MAST4: variants seen among roughly 807,000 people sequenced by gnomAD.
MAST4 encodes the protein microtubule associated serine/threonine kinase family member 4.
A neutral mutation model predicts 162.7 loss-of-function variants in MAST4; 89 were observed. The ratio of observed to expected loss-of-function variants is 0.55; its 90% CI spans 0.46 to 0.65. The LOEUF (loss-of-function observed/expected upper bound fraction) is 0.65. MAST4 is among the 30% of genes least tolerant of loss of function. The pLI is 0.00. For synonymous variants in MAST4, 1,479 were observed against 1,361.1 expected, an observed-to-expected ratio of 1.09 and a Z score of -1.91; for missense variants, 3,153 against 3,374.0, an observed-to-expected ratio of 0.93 and a Z score of 1.62.
rs1343442759 is a variant in MAST4, at chr5:67,168,788, TA to T, written c.*1740del. 6.6e-6 allele frequency: 1 copy of T among 152,170 alleles called. No homozygotes were observed. The highest frequency in any genetic ancestry group is 6.5e-5 in the Admixed American group (1 of 15,282). 9.4% of individuals were successfully genotyped at this position (152,170 alleles called of 1,614,324 possible). A position where few individuals can be genotyped will look rare whatever the true frequency, so the allele number is the denominator to read the frequency against. ...CATCATCTTATGGCCTTATGGATTG[TA>T]AATCTTCTAGTGAGGCTATAAACTC... On this transcript the variant is annotated 3_prime_UTR_variant, in exon 29 of 29. Coordinates refer to ENST00000403625, the MANE Select transcript of MAST4 (RefSeq NM_001164664.2).
intron 1 of MAST4, among the ~76,000 whole-genome samples, chr5:66,638,871 G>A (rs568071570): frequency 3.3e-5 from 5 of 152,264 alleles, no homozygotes; most frequent in African/African-American, 1.2e-4. Flanking sequence ...TGGGTTTTTG[G>A]TGTAATTGGG....
At chr5:66,597,617 C>A (rs1224063463) in intron 1 of MAST4, among the ~76,000 whole-genome samples, 1 of 152,156 alleles carries the variant, frequency 6.6e-6, no homozygotes, top group African/African-American at 2.4e-5. Context: ...GCGTGCGCGC[C>A]TGCAGCTCCC....
At chr5:67,044,536 A>G (rs1469833945) in intron 4 of MAST4, among the ~76,000 whole-genome samples, 1 of 152,112 alleles carries the variant, frequency 6.6e-6, no homozygotes, top group Non-Finnish European at 1.5e-5. Context: ...TTTAAATTAG[A>G]GAGGGTCTTG....
At chr5:66,599,342 G>T (rs1742407371) in intron 1 of MAST4, among the ~76,000 whole-genome samples, 1 of 152,176 alleles carries the variant, frequency 6.6e-6, no homozygotes, top group Non-Finnish European at 1.5e-5. Flanking sequence ...CACACCAGAG[G>T]ATTCGGGAAT....
chr5:66,616,498 G>A (rs1255023903), intron 1 of MAST4, among the ~76,000 whole-genome samples: 1 of 152,236 alleles, frequency 6.6e-6, no homozygotes. Flanking sequence ...TGGGGCAGGT[G>A]TCTCAGGGCT....
intron 1 of MAST4, among the ~76,000 whole-genome samples, chr5:66,614,172 C>T (rs753498110): frequency 6.6e-6 from 1 of 152,158 alleles, no homozygotes; most frequent in African/African-American, 2.4e-5. Context: ...TTTCCCTGGC[C>T]CGGAACATCT....
chr5:67,101,840 C>G (rs1474957449), intron 8 of MAST4, among the ~76,000 whole-genome samples: 1 of 151,548 alleles, frequency 6.6e-6, no homozygotes, highest in Admixed American at 6.6e-5. Flanking sequence ...AAAGGAATTC[C>G]TAAGGTGCGT....
Position 66,975,535 on chromosome 5 carries a change from G to A in MAST4, c.674+75553G>A, listed in dbSNP as rs115497815. Among the ~76,000 whole-genome samples the A allele has an allele frequency of 4.9e-3, 747 of 152,230 alleles. 5 individuals are homozygous for A. Among genetic ancestry groups the A allele is most frequent in the African/African-American group, 0.017 (720 of 41,524 alleles). On this transcript the variant is annotated intron_variant, in intron 4 of 28. Coordinates refer to ENST00000403625, the MANE Select transcript of MAST4 (RefSeq NM_001164664.2). The stretch of plus-strand genomic sequence containing the variant: ...TGACTAGAACCAGTGCTCACAGAGT[G>A]CTCATCATGATAGTTTAAAAAAGAC...
At chr5:66,921,603 T>C (rs990985953) in intron 4 of MAST4, among the ~76,000 whole-genome samples, 1 of 151,806 alleles carries the variant, frequency 6.6e-6, no homozygotes, top group Non-Finnish European at 1.5e-5. Flanking sequence ...CTAAAAAAAA[T>C]ACAAAAATTA....
chr5:66,688,386 A>C (rs1473211535), intron 1 of MAST4, among the ~76,000 whole-genome samples: 2 of 152,164 alleles, frequency 1.3e-5, no homozygotes, highest in African/African-American at 4.8e-5. Flanking sequence ...TATCTCCTGA[A>C]GTGCTATCTG....
At chr5:66,790,955 G>A (rs962081189) in intron 3 of MAST4, among the ~76,000 whole-genome samples, 6 of 151,970 alleles carry the variant, frequency 3.9e-5, no homozygotes, top group Non-Finnish European at 8.8e-5. Flanking sequence ...TATGTTTATC[G>A]CCAAGTCAAT....
At chr5:67,034,817 A>T (rs1290545496) in intron 4 of MAST4, among the ~76,000 whole-genome samples, 2 of 152,184 alleles carry the variant, frequency 1.3e-5, no homozygotes, top group African/African-American at 2.4e-5. Context: ...ATTATTTTAG[A>T]GTAGCTGGTT....
chr5:66,839,177 A>G (rs1694654303), intron 3 of MAST4, among the ~76,000 whole-genome samples: 1 of 152,112 alleles, frequency 6.6e-6, no homozygotes, highest in Non-Finnish European at 1.5e-5. Flanking sequence ...TGGTTTCAGG[A>G]GTTAGGGATT....
chr5:66,838,917 A>G lies in MAST4; in HGVS notation c.642+50123A>G, dbSNP rs146730560. Among the ~76,000 whole-genome samples, 42 of 152,330 alleles carry G rather than the reference A, an allele frequency of 2.8e-4. No homozygotes were observed. The East Asian group carries it at 6.2e-3, about 22-fold the overall frequency. ...AGGAAGCCATTGAAAGACTGTAATC[A>G]GGGCATAGAAATATTTTATCAACTG... On this transcript the variant is annotated intron_variant, in intron 3 of 28. Transcript: ENST00000403625.
intron 4 of MAST4, among the ~76,000 whole-genome samples, chr5:66,987,329 C>T (rs1405479361): frequency 1.3e-5 from 2 of 152,118 alleles, no homozygotes; most frequent in Non-Finnish European, 2.9e-5. Flanking sequence ...GCTGATGAGT[C>T]ATGTGCAATG....
chr5:66,951,089 A>G (rs1561472526), intron 4 of MAST4, among the ~76,000 whole-genome samples: 1 of 152,236 alleles, frequency 6.6e-6, no homozygotes, highest in Non-Finnish European at 1.5e-5. Flanking sequence ...GGTTATTACA[A>G]GCAGTGCTAC....
chr5:67,088,018 A>G (rs1763440432), intron 5 of MAST4, among the ~76,000 whole-genome samples: 1 of 151,898 alleles, frequency 6.6e-6, no homozygotes, highest in Non-Finnish European at 1.5e-5. Flanking sequence ...TTATTTTTTT[A>G]TTTTTTAGAG....
chr5:66,855,214 G>A (rs1759589278), intron 3 of MAST4, among the ~76,000 whole-genome samples: 1 of 152,080 alleles, frequency 6.6e-6, no homozygotes, highest in African/African-American at 2.4e-5. Context: ...GTGAGCTTTT[G>A]TGGGATCTGA....
chr5:66,596,397 T>C lies in MAST4; in HGVS notation c.-259T>C, dbSNP rs1007015720. The C allele has an allele frequency of 4.0e-5, 15 of 373,166 alleles. No individual in the cohort carries two copies. The highest frequency in any genetic ancestry group is 7.1e-5 in the Non-Finnish European group (15 of 211,688). The allele number at this position is 373,166 out of a possible 1,614,324, so 23.1% of individuals were successfully genotyped here. A position where few individuals can be genotyped will look rare whatever the true frequency, so the allele number is the denominator to read the frequency against. On this transcript the variant is annotated 5_prime_UTR_variant, in exon 1 of 29. Transcript: ENST00000403625. ...GCTCGGGTGCAGCGCGGGAGCACAGTGGAGCGCAGATCGCGGACCCGAGCG... is the reference window on the plus strand; with the variant it reads ...GCTCGGGTGCAGCGCGGGAGCACAGCGGAGCGCAGATCGCGGACCCGAGCG...
Sources: gnomAD v4.1 joint callset for allele counts (sites outside exome capture counted in the v4.1 genomes callset) on GRCh38, gnomAD v4.1.1 for gene constraint, MANE v1.5 for transcripts, NCBI Gene and HGNC (gene_info 2026-07-23, HGNC 2026-07-21) for gene names.